CLEC20A: variants seen among roughly 807,000 people sequenced by gnomAD.
CLEC20A encodes the protein putative C-type lectin domain family 20 member A.
exon 8 of CLEC20A, chr1:178,479,315 C>G: frequency 5.7e-6 from 2 of 350,912 alleles, no homozygotes; most frequent in Non-Finnish European, 1.0e-5. Flanking sequence ...CATGATTGTT[C>G]CCAAATACAC....
At chr1:178,495,381 G>A (rs1366484256) in intron 1 of CLEC20A, among the ~76,000 whole-genome samples, 1 of 152,230 alleles carries the variant, frequency 6.6e-6, no homozygotes, top group Non-Finnish European at 1.5e-5. Flanking sequence ...CCATGGCAGG[G>A]CACTGCCCCT....
At chr1:178,495,352 C>A (rs1649362285) in intron 1 of CLEC20A, among the ~76,000 whole-genome samples, 1 of 152,206 alleles carries the variant, frequency 6.6e-6, no homozygotes, top group South Asian at 2.1e-4. Context: ...TGGGCAGGCT[C>A]TCAGCTCCAG....
intron 2 of CLEC20A, among the ~76,000 whole-genome samples, chr1:178,492,810 GA>G (rs2101875493): frequency 6.6e-6 from 1 of 152,348 alleles, no homozygotes; most frequent in South Asian, 2.1e-4. Context: ...GAGAATATGA[GA>G]AGGAGCAAAT....
intron 4 of CLEC20A, 104 bp downstream of exon 4, chr1:178,489,968 T>G (rs1442210053): frequency 2.5e-6 from 1 of 397,610 alleles, no homozygotes; most frequent in East Asian, 3.6e-5. Flanking sequence ...TGGAAGTGCT[T>G]CCTTGGGTCT....
intron 7 of CLEC20A, chr1:178,482,064 C>CA (rs566771014): frequency 4.6e-3 from 1,319 of 288,724 alleles, no homozygotes; most frequent in Middle Eastern, 0.012. Context: ...CTGTCTTGAC[C>CA]AAAAAAAAAC....
rs565006153 is a variant in CLEC20A at position 178,486,277 on chromosome 1, C to T, written c.928+2224G>A. ...AGTGGGGAGACTGTGGCCCAGCACA[C>T]AACGCGCCCACACCACACCCCACCT... On this transcript the variant is annotated intron_variant, in intron 5 of 7. Transcript: ENST00000623247. Among the ~76,000 whole-genome samples, 5 of 152,324 alleles carry T rather than the reference C, an allele frequency of 3.3e-5. No individual in the cohort carries two copies. The South Asian group carries it at 1.0e-3, about 32-fold the overall frequency.
At chr1:178,487,059 G>A (rs1229046737) in intron 5 of CLEC20A, 4 of 386,364 alleles carry the variant, frequency 1.0e-5, no homozygotes, top group Non-Finnish European at 1.8e-5. Flanking sequence ...TGGTCCCTAG[G>A]GCCAGAGAGA....
upstream of CLEC20A, among the ~76,000 whole-genome samples, chr1:178,498,536 G>A (rs2101882405): frequency 6.6e-6 from 1 of 152,338 alleles, no homozygotes; most frequent in Middle Eastern, 3.4e-3. Flanking sequence ...GCTGCAGTGA[G>A]TTGTGATTGT....
chr1:178,495,149 C>A (rs1033548457), intron 1 of CLEC20A, among the ~76,000 whole-genome samples: 1 of 152,246 alleles, frequency 6.6e-6, no homozygotes, highest in African/African-American at 2.4e-5. Context: ...TGCTGCAGTG[C>A]ACCTTTGTTA....
upstream of CLEC20A, among the ~76,000 whole-genome samples, chr1:178,497,897 G>A (rs991169241): frequency 1.3e-5 from 2 of 152,022 alleles, no homozygotes; most frequent in Admixed American, 6.6e-5. Flanking sequence ...GCAGGGTGAG[G>A]CTAGACCCCT....
In CLEC20A at chr1:178,482,314, GTC is replaced by G. The variant is rs1219588480; in HGVS notation, c.1118_1119del (p.Arg373ThrfsTer16). 5.0e-6 allele frequency: 2 copies of G among 398,406 alleles called. No homozygotes were observed. The highest frequency in any genetic ancestry group is 8.8e-6 in the Non-Finnish European group (2 of 226,030). 24.7% of individuals were successfully genotyped at this position (398,406 alleles called of 1,614,324 possible). On this transcript the variant is annotated frameshift_variant, in exon 7 of 8. Transcript: ENST00000623247. LOFTEE classifies it high-confidence loss of function. The stretch of plus-strand genomic sequence containing the variant: ...AGAAGAGTGTGCAGAAGTCTCACCT[GTC>G]TCAGAAATTGGTCTTTCATCTCTTC...
At chr1:178,481,859 G>C (rs1648995361) in intron 7 of CLEC20A, 1 of 152,474 alleles carries the variant, frequency 6.6e-6, no homozygotes, top group Non-Finnish European at 1.5e-5. Flanking sequence ...CACCAACTAT[G>C]TGTCAGATTA....
At chr1:178,482,994 T>C in intron 6 of CLEC20A, 181 bp downstream of exon 6, 1 of 390,112 alleles carries the variant, frequency 2.6e-6, no homozygotes, top group Non-Finnish European at 4.5e-6. Flanking sequence ...ACTTGTCCCC[T>C]AAGTTTTCAT....
intron 5 of CLEC20A, among the ~76,000 whole-genome samples, chr1:178,485,628 T>C (rs945831326): frequency 2.6e-5 from 4 of 152,334 alleles, no homozygotes; most frequent in Non-Finnish European, 5.9e-5. Flanking sequence ...GTCCTGACTG[T>C]CTCCGTTAGT....
chr1:178,494,207 C>G (rs867462002), intron 2 of CLEC20A, among the ~76,000 whole-genome samples: 1 of 152,252 alleles, frequency 6.6e-6, no homozygotes, highest in African/African-American at 2.4e-5. Context: ...CCAGCCTGGG[C>G]AACATAGCGA....
chr1:178,496,933 G>T (rs756798321), exon 1 of CLEC20A: 4 of 399,944 alleles, frequency 1.0e-5, no homozygotes, highest in Non-Finnish European at 1.8e-5. Context: ...AGCGCCCGGG[G>T]CAGCATGGCT....
intron 5 of CLEC20A, among the ~76,000 whole-genome samples, chr1:178,485,271 C>T (rs933922701): frequency 6.6e-6 from 1 of 152,194 alleles, no homozygotes; most frequent in Admixed American, 6.5e-5. Context: ...GCATTTTGCT[C>T]ACCTGCTGTA....
chr1:178,498,266 C>T (rs1303430724), upstream of CLEC20A, among the ~76,000 whole-genome samples: 1 of 152,126 alleles, frequency 6.6e-6, no homozygotes, highest in Non-Finnish European at 1.5e-5. Context: ...CAGAGACCCC[C>T]AGGCCCAGTC....
chr1:178,493,475 C>A (rs1198970867), intron 2 of CLEC20A: 2 of 152,696 alleles, frequency 1.3e-5, no homozygotes, highest in Admixed American at 6.5e-5. Context: ...TCTTACCGGG[C>A]AAGTGCTGTG....
Sources: allele counts gnomAD v4.1 joint callset (sites outside exome capture counted in the v4.1 genomes callset), GRCh38; gene constraint gnomAD v4.1.1; transcripts MANE v1.5; gene names NCBI Gene and HGNC (gene_info 2026-07-23, HGNC 2026-07-21).